The following RHOBTB2 variants were observed in gnomAD, a reference collection of about 807,000 sequenced individuals.
The protein encoded by RHOBTB2 is rho-related BTB domain-containing protein 2.
In RHOBTB2, 39 loss-of-function variants were observed where a neutral mutation model predicts 66.5. The ratio of observed to expected loss-of-function variants is 0.59; its 90% CI spans 0.45 to 0.77. The LOEUF (loss-of-function observed/expected upper bound fraction) is 0.77, where lower values mean the gene tolerates loss of function less well. Ranked by LOEUF, RHOBTB2 falls within the 30% of genes least tolerant of loss-of-function variation. The pLI, the probability that RHOBTB2 is intolerant of heterozygous loss-of-function variation, is 0.00. For synonymous variants in RHOBTB2, 390 were observed against 395.0 expected, an observed-to-expected ratio of 0.99 and a Z score of 0.15; for missense variants, 755 against 999.1, an observed-to-expected ratio of 0.76 and a Z score of 3.29.
In RHOBTB2 at chr8:23,004,030, G is replaced by T; in HGVS notation, c.-10-395G>T. The T allele has an allele frequency of 3.3e-6, 1 of 302,990 alleles. No homozygotes were observed. The highest frequency in any genetic ancestry group is 6.5e-6 in the Non-Finnish European group (1 of 154,444). The allele number at this position is 302,990 out of a possible 1,614,324, so 18.8% of individuals were successfully genotyped here. On this transcript the variant is annotated intron_variant, in intron 1 of 9. Transcript: ENST00000251822. The surrounding 1 kb of genome is among the most constrained non-coding windows in gnomAD (Gnocchi z 6.4). ...CCGACTCTGCTTCTCTCAGCTGTTT[G>T]TTGTTCTGCTGCCACTGCTCTGCCG...
the RHOBTB2 span, among the ~76,000 whole-genome samples, chr8:22,982,201 A>G: frequency 2.0e-5 from 3 of 152,208 alleles, no homozygotes; most frequent in Non-Finnish European, 4.4e-5. Context: ...GTAGCCAAGA[A>G]AGGGCCTGGG....
chr8:22,972,352 C>T, the RHOBTB2 span, among the ~76,000 whole-genome samples: 1,455 of 152,314 alleles, frequency 9.6e-3, 25 homozygotes, highest in African/African-American at 0.033. Flanking sequence ...TTTTAAATAT[C>T]ATTTAATGGA....
the RHOBTB2 span, among the ~76,000 whole-genome samples, chr8:22,967,616 A>G: frequency 6.6e-6 from 1 of 151,528 alleles, no homozygotes; most frequent in Admixed American, 6.6e-5. Context: ...AAAAAAAAAA[A>G]AAAAAAAAAA....
chr8:23,019,934 ATCCC>A lies in RHOBTB2; in HGVS notation c.*2466_*2469del. On this transcript the variant is annotated 3_prime_UTR_variant, in exon 10 of 10. Coordinates refer to ENST00000251822, the MANE Select transcript of RHOBTB2 (RefSeq NM_015178.3). The stretch of plus-strand genomic sequence containing the variant: ...GGAGAGAGAGGGGAAGGAGGTATGA[ATCCC>A]AGTCCCCAGGAACCTAGCTCTTTAA... 1 of 253,104 alleles carries A rather than the reference ATCCC, an allele frequency of 4.0e-6. No individual in the cohort carries two copies. The highest frequency in any genetic ancestry group is 4.4e-5 in the South Asian group (1 of 22,688). The allele number at this position is 253,104 out of a possible 1,614,324, so 15.7% of individuals were successfully genotyped here. A position where few individuals can be genotyped will look rare whatever the true frequency, so the allele number is the denominator to read the frequency against.
In RHOBTB2 at chr8:23,011,509, G is replaced by A. The variant is rs953624354; in HGVS notation, c.1771+821G>A. Among the ~76,000 whole-genome samples the A allele has an allele frequency of 1.3e-4, 20 of 152,242 alleles. 1 individual carries two copies. Among genetic ancestry groups the A allele is most frequent in the Middle Eastern group, 3.4e-3 (1 of 294 alleles). ...CCCTGCCACTCCTTAGTCCCTGCAC[G>A]GATTGTACGAGCCGGAGCTCAGCTT... On this transcript the variant is annotated intron_variant, in intron 7 of 9. Coordinates refer to ENST00000251822, the MANE Select transcript of RHOBTB2 (RefSeq NM_015178.3).
At chr8:22,966,556 C>T in the RHOBTB2 span, among the ~76,000 whole-genome samples, 2 of 149,820 alleles carry the variant, frequency 1.3e-5, no homozygotes, top group African/African-American at 2.5e-5. Flanking sequence ...AAGCCAGGGT[C>T]GGAGGACTGA....
chr8:22,963,555 C>T, the RHOBTB2 span, among the ~76,000 whole-genome samples: 1 of 151,310 alleles, frequency 6.6e-6, no homozygotes, highest in Non-Finnish European at 1.5e-5. Flanking sequence ...GAGTAATTAC[C>T]AACTGTTTTA....
intron 6 of RHOBTB2, 58 bp downstream of exon 6, chr8:23,008,169 T>G: frequency 8.6e-7 from 1 of 1,161,020 alleles, no homozygotes; most frequent in Non-Finnish European, 1.3e-6. Flanking sequence ...ACCCTTTACA[T>G]CTGAGGCACT....
At chr8:22,951,922 T>C in the RHOBTB2 span, among the ~76,000 whole-genome samples, 6 of 152,182 alleles carry the variant, frequency 3.9e-5, no homozygotes, top group Non-Finnish European at 8.8e-5. Context: ...GGTTTTACCA[T>C]GTTGGCCAAG....
chr8:22,967,713 T>C, the RHOBTB2 span, among the ~76,000 whole-genome samples: 1 of 141,584 alleles, frequency 7.1e-6, no homozygotes, highest in East Asian at 2.2e-4. Context: ...TGCTAGGGGC[T>C]GTGGAGAGGG....
chr8:22,994,822 A>G (rs1003757280), upstream of RHOBTB2, among the ~76,000 whole-genome samples: 4 of 152,168 alleles, frequency 2.6e-5, no homozygotes, highest in Non-Finnish European at 5.9e-5. Context: ...CTGGAGTGCA[A>G]TGGCGTGATC....
intron 1 of RHOBTB2, among the ~76,000 whole-genome samples, chr8:23,002,922 C>T (rs147857604): frequency 3.3e-5 from 5 of 152,188 alleles, no homozygotes; most frequent in Admixed American, 6.5e-5. Context: ...CAGTTGCTAT[C>T]GTTACTTGGA....
chr8:22,988,458 G>T (rs1427395551), intron 1 of RHOBTB2, among the ~76,000 whole-genome samples: 1 of 151,984 alleles, frequency 6.6e-6, no homozygotes, highest in Non-Finnish European at 1.5e-5. Flanking sequence ...CACCGCACCT[G>T]ACCTCCTTCC....
the RHOBTB2 span, among the ~76,000 whole-genome samples, chr8:22,975,121 CCAAA>C: frequency 6.6e-6 from 1 of 152,114 alleles, no homozygotes; most frequent in Non-Finnish European, 1.5e-5. Flanking sequence ...GCCCACATCT[CCAAA>C]CAGTTGTCCC....
At chr8:22,963,421 A>T in the RHOBTB2 span, among the ~76,000 whole-genome samples, 1 of 152,246 alleles carries the variant, frequency 6.6e-6, no homozygotes, top group Non-Finnish European at 1.5e-5. Flanking sequence ...TGAAATAGGT[A>T]AAGATATTTC....
At chr8:22,960,299 GCCCTC>G in the RHOBTB2 span, among the ~76,000 whole-genome samples, 55,630 of 148,606 alleles carry the variant, frequency 0.37, 12,461 homozygotes, top group East Asian at 0.59. Context: ...TTATAGATGA[GCCCTC>G]CCCTCCCCTC....
Position 23,009,672 on chromosome 8 carries a change from C to T in RHOBTB2, c.1621-866C>T, listed in dbSNP as rs567946996. ...AACCAAGCACGAGGCTGGGCTGCAT[C>T]GCATCCCGTGATGTGGAATGTGCAT... On this transcript the variant is annotated intron_variant, in intron 6 of 9. Coordinates refer to ENST00000251822, the MANE Select transcript of RHOBTB2 (RefSeq NM_015178.3). Among the ~76,000 whole-genome samples, 6 of 152,276 alleles carry T rather than the reference C, an allele frequency of 3.9e-5. No homozygotes were observed. In the South Asian group the frequency reaches 1.0e-3, roughly 26 times the overall value.
the RHOBTB2 span, among the ~76,000 whole-genome samples, chr8:22,973,385 T>C: frequency 1.3e-5 from 2 of 152,200 alleles, no homozygotes; most frequent in East Asian, 3.9e-4. Flanking sequence ...TGTGCTGCCA[T>C]ACAGGACTAA....
chr8:23,008,004 A>G lies in RHOBTB2; in HGVS notation c.1513A>G (p.Ile505Val). ...AKGTFSDVTF[I>V]LDDGTISAHK... is the part of the protein sequence containing the mutation. ...CTTCTTCTGGACAGATGTGACCTTC[A>G]TCCTGGATGATGGCACCATCAGCGC... The change falls in exon 6 of 10, where the codon ATC becomes GTC. Residue 505 changes from isoleucine (I) to valine (V), a missense_variant. Coordinates refer to ENST00000251822, the MANE Select transcript of RHOBTB2 (RefSeq NM_015178.3). The G allele has an allele frequency of 1.2e-6, 2 of 1,613,684 alleles. No individual in the cohort carries two copies. The highest frequency in any genetic ancestry group is 1.7e-6 in the Non-Finnish European group (2 of 1,179,788).
Sources: gnomAD v4.1 joint callset for allele counts (sites outside exome capture counted in the v4.1 genomes callset) on GRCh38, gnomAD v4.1.1 for gene constraint, Gnocchi (gnomAD v3.1) non-coding constraint, MANE v1.5 for transcripts, NCBI Gene and HGNC (gene_info 2026-07-23, HGNC 2026-07-21) for gene names.